Variants in DLK2 observed in about 807,000 individuals in gnomAD.
The protein encoded by DLK2 is protein delta homolog 2.
DLK2 carries 9 observed loss-of-function variants against 31.3 expected under a neutral mutation model. The observed-to-expected ratio is 0.29, with a 90% CI of 0.17 to 0.50. DLK2 has a LOEUF of 0.50. Ranked by LOEUF, DLK2 falls within the 20% of genes least tolerant of loss-of-function variation. The pLI is 0.98. For synonymous variants in DLK2, 169 were observed against 201.2 expected (o/e 0.84, Z 1.35); for missense variants, 387 against 526.1 (o/e 0.74, Z 2.59).
Position 43,450,834 on chromosome 6 carries a change from A to C in DLK2, c.857T>G (p.Leu286Arg), listed in dbSNP as rs1783680696. The C allele has an allele frequency of 1.9e-6, 3 of 1,614,082 alleles. No homozygotes were observed. In the African/African-American group the frequency reaches 4.0e-5, roughly 22 times the overall value. The change falls in exon 6 of 6, where the codon CTG becomes CGG. Residue 286 changes from leucine to arginine, a missense_variant. Coordinates refer to ENST00000372488, the MANE Select transcript of DLK2 (RefSeq NM_023932.4). The surrounding 1 kb of genome is among the most constrained non-coding windows in gnomAD (Gnocchi z 4.5). ...GPAPHSAGAGLLRISVKEVVR... is the reference protein window; with the variant it reads ...GPAPHSAGAGRLRISVKEVVR... ...CACCTCCTTCACTGAGATCCGCAGC[A>C]GACCAGCCCCTGCGCTGTGGGGGGC...
rs1334807495 is a variant in DLK2, at chr6:43,454,846, GGGACGGACGGAT to G, written c.-33_-22del. 18 of 1,540,036 alleles carry G rather than the reference GGGACGGACGGAT, an allele frequency of 1.2e-5. No homozygotes were observed. Among genetic ancestry groups the G allele is most frequent in the Non-Finnish European group, 1.6e-5 (18 of 1,148,630 alleles). On this transcript the variant is annotated 5_prime_UTR_variant, in exon 2 of 6. Coordinates refer to ENST00000372488, the MANE Select transcript of DLK2 (RefSeq NM_023932.4). ...GGCATGGTCAGCGCCGGCCCCAGGAGGGACGGACGGATGGACGGCCGGACGCGTGGACACCTG... is the reference window on the plus strand; with the variant it reads ...GGCATGGTCAGCGCCGGCCCCAGGAGGGACGGCCGGACGCGTGGACACCTG...
chr6:43,455,103 A>G, intron 1 of DLK2: 3 of 984,498 alleles, frequency 3.0e-6, no homozygotes, highest in Non-Finnish European at 3.6e-6. Flanking sequence ...AAAGATGGGC[A>G]TCGCGGAGCG....
rs540014972 is a variant in DLK2 at position 43,450,374 on chromosome 6, G to C, written c.*165C>G. 4.4e-5 allele frequency: 45 copies of C among 1,030,048 alleles called. No homozygotes were observed. The highest frequency in any genetic ancestry group is 5.7e-5 in the Non-Finnish European group (42 of 741,140). The allele number at this position is 1,030,048 out of a possible 1,614,324, so 63.8% of individuals were successfully genotyped here. On this transcript the variant is annotated 3_prime_UTR_variant, in exon 6 of 6. Transcript: ENST00000372488. The surrounding 1 kb of genome is among the most constrained non-coding windows in gnomAD (Gnocchi z 4.5). ...CACTTGCATTTTCATAGTTTTATTT[G>C]ATAAAATTCCATCTTACATTCTGTG...
In DLK2 at chr6:43,453,497, G is replaced by A. The variant is rs1017074530; in HGVS notation, c.141-362C>T. 6.6e-6 allele frequency among the ~76,000 whole-genome samples: 1 copy of A among 152,200 alleles called. No homozygotes were observed. Among genetic ancestry groups the A allele is most frequent in the Admixed American group, 6.5e-5 (1 of 15,276 alleles). On this transcript the variant is annotated intron_variant, in intron 3 of 5. Transcript: ENST00000372488. This position sits in a 1 kb window ranked among gnomAD's most constrained non-coding sequence, Gnocchi z 4.1. ...CAAACATTTAAAGAAGAATGACCTT[G>A]AAAGGCCATCAGGGCCGGGGCGTGG...
intron 3 of DLK2, 87 bp downstream of exon 3, chr6:43,454,324 G>T: frequency 7.6e-7 from 1 of 1,310,244 alleles, no homozygotes; most frequent in Non-Finnish European, 1.1e-6. Flanking sequence ...GAAGAGTAGA[G>T]TCTGAAGCCC....
In DLK2 at chr6:43,451,246, G is replaced by C; in HGVS notation, c.445C>G (p.Gln149Glu). 1 of 1,614,100 alleles carries C rather than the reference G, an allele frequency of 6.2e-7. No homozygotes were observed. The highest frequency in any genetic ancestry group is 8.5e-7 in the Non-Finnish European group (1 of 1,180,010). ...TTGAGAGCAAAGCCCTGGTCGTCCT[G>C]GCACTGCCCGCCATTGCGGCATGGG... is the stretch of plus-strand genomic sequence containing the variant. ...GSPCRNGGQCQDDQGFALNFT... is the reference protein window; with the variant it reads ...GSPCRNGGQCEDDQGFALNFT... Residue 149 changes from glutamine (Q) to glutamate (E), a missense_variant, in exon 6 of 6, where the codon CAG becomes GAG. Gln to Glu is a conservative substitution (Grantham distance 29). Transcript: ENST00000372488. The surrounding 1 kb of genome is among the most constrained non-coding windows in gnomAD (Gnocchi z 4.4).
At chr6:43,452,672 A>C (rs1472882248) in intron 4 of DLK2, among the ~76,000 whole-genome samples, 2 of 152,024 alleles carry the variant, frequency 1.3e-5, no homozygotes, top group Non-Finnish European at 2.9e-5. Context: ...AGATCGCACC[A>C]CTGCACTCCA....
chr6:43,454,850 C>A lies in DLK2; in HGVS notation c.-25G>T. Reference sequence around the variant, plus strand: ...TGGTCAGCGCCGGCCCCAGGAGGGACGGACGGATGGACGGCCGGACGCGTG... The same window carrying A: ...TGGTCAGCGCCGGCCCCAGGAGGGAAGGACGGATGGACGGCCGGACGCGTG... On this transcript the variant is annotated 5_prime_UTR_variant, in exon 2 of 6. Transcript: ENST00000372488. 1.3e-6 allele frequency: 2 copies of A among 1,538,694 alleles called. No homozygotes were observed. The highest frequency in any genetic ancestry group is 1.7e-6 in the Non-Finnish European group (2 of 1,148,016).
chr6:43,452,127 C>T lies in DLK2; in HGVS notation c.272-43G>A, dbSNP rs189224804. The T allele has an allele frequency of 1.5e-5, 24 of 1,611,448 alleles. No homozygotes were observed. The Admixed American group carries it at 3.7e-4, about 25-fold the overall frequency. On this transcript the variant is annotated intron_variant, in intron 4 of 5. Transcript: ENST00000372488. ...AAGGCTCTGGGATAACCCCTCCCAT[C>T]TGGTCCCCAGACCAGACTTGTCCAC...
In DLK2 at chr6:43,454,864, G is replaced by A. The variant is rs1273660882; in HGVS notation, c.-39C>T. 8 of 1,535,602 alleles carry A rather than the reference G, an allele frequency of 5.2e-6. No individual in the cohort carries two copies. The highest frequency in any genetic ancestry group is 4.1e-5 in the African/African-American group (3 of 72,544). ...CCCAGGAGGGACGGACGGATGGACG[G>A]CCGGACGCGTGGACACCTGTGGGAC... On this transcript the variant is annotated 5_prime_UTR_variant, in exon 2 of 6. Transcript: ENST00000372488.
rs1197278455 is a variant in DLK2, at chr6:43,450,813, T to TC, written c.877dup (p.Glu293GlyfsTer12). On this transcript the variant is annotated frameshift_variant, in exon 6 of 6. Transcript: ENST00000372488. LOFTEE classifies it high-confidence loss of function. This position sits in a 1 kb window ranked among gnomAD's most constrained non-coding sequence, Gnocchi z 4.5. ...CCCAGCCTCTTGCCTCCGCACCACCTCCTTCACTGAGATCCGCAGCAGACC... is the reference window on the plus strand; with the variant it reads ...CCCAGCCTCTTGCCTCCGCACCACCTCCCTTCACTGAGATCCGCAGCAGACC... The TC allele has an allele frequency of 1.9e-6, 3 of 1,614,020 alleles. No individual in the cohort carries two copies. Among genetic ancestry groups the TC allele is most frequent in the African/African-American group, 1.3e-5 (1 of 74,902 alleles).
rs751519195 is a variant in DLK2 at position 43,451,117 on chromosome 6, C to T, written c.574G>A (p.Gly192Ser). The change falls in exon 6 of 6, where the codon GGC becomes AGC. Residue 192 changes from glycine to serine, a missense_variant. Gly to Ser is a moderately conservative substitution (Grantham distance 56). Coordinates refer to ENST00000372488, the MANE Select transcript of DLK2 (RefSeq NM_023932.4). This position sits in a 1 kb window ranked among gnomAD's most constrained non-coding sequence, Gnocchi z 4.4. ...PCANGATCLD[G>S]INRFSCLCPE... is the part of the protein sequence containing the mutation. ...CAGAGGCAGGAGAAGCGGTTTATGC[C>T]GTCAAGGCAGGTGGCACCGTTAGCA... 6.8e-6 allele frequency: 11 copies of T among 1,614,102 alleles called. No homozygotes were observed. Among genetic ancestry groups the T allele is most frequent in the South Asian group, 3.3e-5 (3 of 91,092 alleles).
At chr6:43,455,102 C>T in intron 1 of DLK2, 1 of 985,060 alleles carries the variant, frequency 1.0e-6, no homozygotes, top group Non-Finnish European at 1.2e-6. Context: ...GAAAGATGGG[C>T]ATCGCGGAGC....
chr6:43,451,903 T>G lies in DLK2; in HGVS notation c.416+37A>C. 6.2e-7 allele frequency: 1 copy of G among 1,611,900 alleles called. No individual in the cohort carries two copies. The highest frequency in any genetic ancestry group is 8.5e-7 in the Non-Finnish European group (1 of 1,179,350). Reference sequence around the variant, plus strand: ...TTCTCATCCCATCACCAGGTTCTGGTCTAACCTTCCACTCACCCTGAGGGC... The same window carrying G: ...TTCTCATCCCATCACCAGGTTCTGGGCTAACCTTCCACTCACCCTGAGGGC... On this transcript the variant is annotated intron_variant, in intron 5 of 5. Transcript: ENST00000372488. This position sits in a 1 kb window ranked among gnomAD's most constrained non-coding sequence, Gnocchi z 4.4.
rs751646860 is a variant in DLK2 at position 43,451,214 on chromosome 6, C to T, written c.477G>A (p.Thr159=). Residue 159 remains threonine, a synonymous_variant, in exon 6 of 6, where the codon ACG becomes ACA. Coordinates refer to ENST00000372488, the MANE Select transcript of DLK2 (RefSeq NM_023932.4). This position sits in a 1 kb window ranked among gnomAD's most constrained non-coding sequence, Gnocchi z 4.4. ...CCACAAAGCCCACCAAGCAGCGGCA[C>T]GTGAAGTTGAGAGCAAAGCCCTGGT... is the stretch of plus-strand genomic sequence containing the variant. The part of the protein sequence containing the change: ...QDDQGFALNF[T]CRCLVGFVGA... 5.6e-6 allele frequency: 9 copies of T among 1,614,060 alleles called. No individual in the cohort carries two copies. Among genetic ancestry groups the T allele is most frequent in the East Asian group, 2.2e-5 (1 of 44,884 alleles).
intron 2 of DLK2, 29 bp downstream of exon 2, chr6:43,454,721 C>G: frequency 1.3e-6 from 2 of 1,540,538 alleles, no homozygotes; most frequent in Non-Finnish European, 1.7e-6. Context: ...TGGACAGGGC[C>G]GCGACTGGAG....
At position 43,453,739 on chromosome 6, in the gene DLK2, A is replaced by G. The variant is rs769729875; in HGVS notation, c.141-604T>C. On this transcript the variant is annotated intron_variant, in intron 3 of 5. Transcript: ENST00000372488. This position sits in a 1 kb window ranked among gnomAD's most constrained non-coding sequence, Gnocchi z 4.1. ...AAGAGGCAGAGGCTGCAGTGAGCTG[A>G]GATCGCGCCACTGCACTCCAGCCTT... 6.6e-6 allele frequency among the ~76,000 whole-genome samples: 1 copy of G among 152,334 alleles called. No homozygotes were observed. The highest frequency in any genetic ancestry group is 2.1e-4 in the South Asian group (1 of 4,822).
chr6:43,454,590 G>A, intron 2 of DLK2, 116 bp from the exon 3 acceptor site: 1 of 1,332,862 alleles, frequency 7.5e-7, no homozygotes, highest in Non-Finnish European at 1.0e-6. Context: ...CCTAGGGCAG[G>A]ACATAACACA....
chr6:43,451,867 T>C lies in DLK2; in HGVS notation c.416+73A>G, dbSNP rs1783764664. The stretch of plus-strand genomic sequence containing the variant: ...TCTCAGTCCCCCACCCTCCCAACAG[T>C]CCTGCCTCTTTTCTCATCCCATCAC... On this transcript the variant is annotated intron_variant, in intron 5 of 5. Transcript: ENST00000372488. This position sits in a 1 kb window ranked among gnomAD's most constrained non-coding sequence, Gnocchi z 4.4. 3.8e-6 allele frequency: 6 copies of C among 1,579,888 alleles called. No homozygotes were observed.
Sources: gnomAD v4.1 joint callset for allele counts (sites outside exome capture counted in the v4.1 genomes callset) on GRCh38, gnomAD v4.1.1 for gene constraint, Gnocchi (gnomAD v3.1) non-coding constraint, MANE v1.5 for transcripts, NCBI Gene and HGNC (gene_info 2026-07-23, HGNC 2026-07-21) for gene names.